TF: variants seen among roughly 807,000 people sequenced by gnomAD.
TF encodes transferrin.
A neutral mutation model predicts 82.4 loss-of-function variants in TF; 55 were observed. That is an observed-to-expected ratio of 0.67 (90% confidence interval 0.54 to 0.84). The LOEUF (loss-of-function observed/expected upper bound fraction) is 0.84, where lower values mean the gene tolerates loss of function less well. Among genes scored for constraint, TF ranks in the 40% least tolerant of loss-of-function variants. The pLI, the probability that TF is intolerant of heterozygous loss-of-function variation, is 0.00. For missense variants in TF, 737 were observed against 868.4 expected, an observed-to-expected ratio of 0.85 and a Z score of 1.90; for synonymous variants, 332 against 332.6, an observed-to-expected ratio of 1.00 and a Z score of 0.02.
At chr3:133,690,252 A>C in the TF span, among the ~76,000 whole-genome samples, 1 of 152,212 alleles carries the variant, frequency 6.6e-6, no homozygotes, top group African/African-American at 2.4e-5. Flanking sequence ...TAAAGTTGTC[A>C]TTTAAACTTA....
At chr3:133,676,857 C>T in the TF span, among the ~76,000 whole-genome samples, 7 of 152,320 alleles carry the variant, frequency 4.6e-5, no homozygotes, top group Non-Finnish European at 8.8e-5. Context: ...CCCAATTCAC[C>T]CTGTGTTTAT....
rs977911846 is a variant in TF at position 133,781,754 on chromosome 3, G to A, written c.*3134G>A. The A allele has an allele frequency of 6.6e-6, 1 of 152,122 alleles. No individual in the cohort carries two copies. Among genetic ancestry groups the A allele is most frequent in the Admixed American group, 6.6e-5 (1 of 15,264 alleles). The allele number at this position is 152,122 out of a possible 1,614,324, so 9.4% of individuals were successfully genotyped here. A position where few individuals can be genotyped will look rare whatever the true frequency, so the allele number is the denominator to read the frequency against. ...GCTCCTGAACCTTGGCCTTAGCAATGATTTTTTGGCTATCACATCAAAAGC... is the reference window on the plus strand; with the variant it reads ...GCTCCTGAACCTTGGCCTTAGCAATAATTTTTTGGCTATCACATCAAAAGC... On this transcript the variant is annotated 3_prime_UTR_variant, in exon 17 of 17. Transcript: ENST00000402696.
intron 11 of TF, 76 bp from the exon 12 acceptor site, chr3:133,766,202 G>A (rs1288423123): frequency 7.0e-7 from 1 of 1,419,512 alleles, no homozygotes; most frequent in Non-Finnish European, 1.0e-6. Context: ...TGCTTCCCTA[G>A]GGAAATTGAT....
chr3:133,708,879 A>C, the TF span, among the ~76,000 whole-genome samples: 1 of 151,996 alleles, frequency 6.6e-6, no homozygotes, highest in African/African-American at 2.4e-5. Flanking sequence ...GGGGTCAGTA[A>C]AGAAATGAAG....
chr3:133,753,193 G>C (rs8177212), intron 2 of TF, among the ~76,000 whole-genome samples: 1,615 of 152,308 alleles, frequency 0.011, 27 homozygotes, highest in African/African-American at 0.036. Flanking sequence ...AGAGAGCTGT[G>C]TCCTTGACAG....
intron 14 of TF, 133 bp from the exon 15 acceptor site, chr3:133,775,300 C>T: frequency 1.2e-6 from 1 of 867,418 alleles, no homozygotes; most frequent in East Asian, 2.4e-5. Context: ...GTCCACATCA[C>T]TGTAACCCCA....
the TF span, among the ~76,000 whole-genome samples, chr3:133,694,889 A>ATTTAT: frequency 7.7e-6 from 1 of 129,856 alleles, no homozygotes; most frequent in African/African-American, 2.9e-5. Context: ...TTTATTTATT[A>ATTTAT]TTATTATTAT....
chr3:133,773,657 G>T (rs566306251), intron 14 of TF: 1 of 152,000 alleles, frequency 6.6e-6, no homozygotes, highest in South Asian at 2.1e-4. Context: ...ACCAATAAAC[G>T]TGTATTATTT....
At chr3:133,736,631 C>CAAAAAAGAAAAGAAAAA in the TF span, among the ~76,000 whole-genome samples, 3 of 32,552 alleles carry the variant, frequency 9.2e-5, no homozygotes, top group Admixed American at 4.7e-4. Context: ...AATGGAAAGC[C>CAAAAAAGAAAAGAAAAA]AAAAAAAAAA....
the TF span, among the ~76,000 whole-genome samples, chr3:133,679,846 A>T: frequency 0.082 from 12,444 of 152,176 alleles, 525 homozygotes; most frequent in Middle Eastern, 0.14. Flanking sequence ...ACTGGGTCAT[A>T]CTGGTAAGTG....
chr3:133,727,539 CTA>C, the TF span, among the ~76,000 whole-genome samples: 1 of 108,900 alleles, frequency 9.2e-6, no homozygotes, highest in Non-Finnish European at 1.9e-5. Context: ...TATTTTGAGC[CTA>C]TGTGTGTCTC....
the TF span, among the ~76,000 whole-genome samples, chr3:133,719,463 G>A: frequency 6.6e-6 from 1 of 152,194 alleles, no homozygotes; most frequent in Non-Finnish European, 1.5e-5. Flanking sequence ...TGTTGGGCAT[G>A]TGGGGAAGGG....
At chr3:133,684,777 GA>G in the TF span, among the ~76,000 whole-genome samples, 1 of 151,982 alleles carries the variant, frequency 6.6e-6, no homozygotes, top group African/African-American at 2.4e-5. Flanking sequence ...CCAGAGGTAC[GA>G]AGAGGAGCTG....
intron 2 of TF, among the ~76,000 whole-genome samples, chr3:133,751,491 A>G (rs1933668043): frequency 6.6e-6 from 1 of 151,932 alleles, no homozygotes; most frequent in African/African-American, 2.4e-5. Flanking sequence ...TCGGCCTCCC[A>G]AAGTTCCACT....
At chr3:133,674,972 G>A in the TF span, among the ~76,000 whole-genome samples, 4 of 152,084 alleles carry the variant, frequency 2.6e-5, no homozygotes, top group Non-Finnish European at 5.9e-5. Context: ...AAGGCCAGAC[G>A]CGGTGGCTCA....
chr3:133,681,319 G>C, the TF span, among the ~76,000 whole-genome samples: 1 of 152,228 alleles, frequency 6.6e-6, no homozygotes, highest in Non-Finnish European at 1.5e-5. Flanking sequence ...TGAGGTACCA[G>C]GTTCATCTCA....
intron 5 of TF, chr3:133,755,735 C>G: frequency 1.7e-6 from 1 of 580,588 alleles, no homozygotes; most frequent in Non-Finnish European, 3.1e-6. Flanking sequence ...CTCCCCAGAG[C>G]CCTCAAGCCT....
the TF span, among the ~76,000 whole-genome samples, chr3:133,687,444 A>G: frequency 1.3e-5 from 2 of 152,188 alleles, no homozygotes; most frequent in African/African-American, 2.4e-5. Flanking sequence ...ACATAACACA[A>G]TTTAACCATT....
At chr3:133,760,326 A>G (rs1043041460) in intron 9 of TF, 3 of 152,498 alleles carry the variant, frequency 2.0e-5, no homozygotes, top group Admixed American at 6.5e-5. Context: ...CTTCAGAACT[A>G]TCTACCATGA....
Sources: allele counts gnomAD v4.1 joint callset (sites outside exome capture counted in the v4.1 genomes callset), GRCh38; gene constraint gnomAD v4.1.1; transcripts MANE v1.5; gene names NCBI Gene and HGNC (gene_info 2026-07-23, HGNC 2026-07-21).